Variants in NOTCH1 observed in about 807,000 individuals in gnomAD.
NOTCH1 encodes the protein notch receptor 1, also known as neurogenic locus notch homolog protein 1.
Under a neutral mutation model 254.8 loss-of-function variants are expected in NOTCH1, and 37 were observed. The ratio of observed to expected loss-of-function variants is 0.15; its 90% CI spans 0.11 to 0.19. The LOEUF (loss-of-function observed/expected upper bound fraction) is 0.19. Among genes scored for constraint, NOTCH1 ranks in the 10% least tolerant of loss-of-function variants. The pLI is 1.00. For synonymous variants in NOTCH1, 1,731 were observed against 1,618.1 expected, an observed-to-expected ratio of 1.07 and a Z score of -1.68; for missense variants, 2,972 against 3,708.6, an observed-to-expected ratio of 0.80 and a Z score of 5.16.
In NOTCH1 at chr9:136,495,900, T is replaced by C; in HGVS notation, c.*171A>G. ...TAAATAAAAAGGCAGTGTTTCTGTG[T>C]AAAATAAAAGTACATAAATAAATAC... On this transcript the variant is annotated 3_prime_UTR_variant, in exon 34 of 34. Transcript: ENST00000651671. 1.4e-6 allele frequency: 1 copy of C among 711,438 alleles called. No individual in the cohort carries two copies. The highest frequency in any genetic ancestry group is 2.2e-6 in the Non-Finnish European group (1 of 450,718). 44.1% of individuals were successfully genotyped at this position (711,438 alleles called of 1,614,324 possible).
At chr9:136,528,128 T>C (rs1277742393) in intron 2 of NOTCH1, among the ~76,000 whole-genome samples, 1 of 150,518 alleles carries the variant, frequency 6.6e-6, no homozygotes, top group Admixed American at 6.6e-5. Context: ...GAAGGAGGGG[T>C]GAGAGGGACT....
Position 136,496,148 on chromosome 9 carries a change from C to T in NOTCH1, c.7591G>A (p.Asp2531Asn), listed in dbSNP as rs749355748. Residue 2531 changes from aspartate to asparagine, a missense_variant, in exon 34 of 34, where the codon GAC becomes AAC. Asp to Asn is a conservative substitution (Grantham distance 23). This residue lies in a region of NOTCH1 where 85 missense variants were observed against 126.1 expected (regional missense o/e 0.67). Coordinates refer to ENST00000651671, the MANE Select transcript of NOTCH1 (RefSeq NM_017617.5). ...GGGCTGGAGACGCCCTCGGACCAGT[C>T]GGAGACGTTGGAATGCGGGGACGAG... ...SSSSPHSNVSDWSEGVSSPPT... is the reference protein window; with the variant it reads ...SSSSPHSNVSNWSEGVSSPPT... The T allele has an allele frequency of 1.2e-6, 2 of 1,609,822 alleles. No individual in the cohort carries two copies. The highest frequency in any genetic ancestry group is 1.7e-6 in the Non-Finnish European group (2 of 1,179,384).
intron 28 of NOTCH1, 22 bp downstream of exon 28, chr9:136,502,250 A>G (rs781023879): frequency 1.2e-6 from 2 of 1,607,826 alleles, no homozygotes; most frequent in Admixed American, 3.3e-5. Context: ...GGGACCCAGA[A>G]GCAGGGGCGG....
At chr9:136,541,297 C>A (rs568088501) in intron 2 of NOTCH1, among the ~76,000 whole-genome samples, 48 of 152,356 alleles carry the variant, frequency 3.2e-4, no homozygotes, top group African/African-American at 1.1e-3. Flanking sequence ...CTGCAACCAC[C>A]TGATTGGCAG....
chr9:136,507,479 C>T lies in NOTCH1; in HGVS notation c.3511-42G>A, dbSNP rs367884609. On this transcript the variant is annotated intron_variant, in intron 21 of 33. Transcript: ENST00000651671. ...ACGAGGGGCCCTTCGGCTCAGCCGG[C>T]GCCAGGATGCAGTGCTCCCACACCC... 28 of 1,568,082 alleles carry T rather than the reference C, an allele frequency of 1.8e-5. No individual in the cohort carries two copies. In the East Asian group the frequency reaches 1.9e-4, roughly 10 times the overall value.
rs771957771 is a variant in NOTCH1, at chr9:136,506,616, T to G, written c.3925A>C (p.Asn1309His). 5.0e-6 allele frequency: 8 copies of G among 1,610,826 alleles called. No homozygotes were observed. The South Asian group carries it at 8.8e-5, about 18-fold the overall frequency. The change falls in exon 24 of 34, where the codon AAT becomes CAT. Residue 1309 changes from asparagine to histidine, a missense_variant. Physicochemically the swap from Asn to His is moderately conservative, Grantham distance 68. Coordinates refer to ENST00000651671, the MANE Select transcript of NOTCH1 (RefSeq NM_017617.5). The surrounding 1 kb of genome is among the most constrained non-coding windows in gnomAD (Gnocchi z 4.5). Reference sequence around the variant, plus strand: ...TTGCAGGGCTTGCCTTTGCAGCCATTGATGACGGACTCGCAGCGGCGCCCT... The same window carrying G: ...TTGCAGGGCTTGCCTTTGCAGCCATGGATGACGGACTCGCAGCGGCGCCCT... ...HTGRRCESVI[N>H]GCKGKPCKNG...
chr9:136,534,551 C>T (rs114448867), intron 2 of NOTCH1, among the ~76,000 whole-genome samples: 1,537 of 152,272 alleles, frequency 0.01, 21 homozygotes, highest in African/African-American at 0.034. Context: ...GAACAGCGCC[C>T]ACCTGGTGCC....
Position 136,505,348 on chromosome 9 carries a change from G to C in NOTCH1, c.4548C>G (p.Phe1516Leu), listed in dbSNP as rs199740882. The C allele has an allele frequency of 2.5e-5, 40 of 1,603,772 alleles. No homozygotes were observed. Among genetic ancestry groups the C allele is most frequent in the Non-Finnish European group, 3.3e-5 (39 of 1,175,832 alleles). The change falls in exon 25 of 34, where the codon TTC becomes TTG. Residue 1516 changes from phenylalanine to leucine, a missense_variant. By Grantham distance (22) the Phe-to-Leu change is conservative. Coordinates refer to ENST00000651671, the MANE Select transcript of NOTCH1 (RefSeq NM_017617.5). Reference protein sequence around the residue: ...DSQCNSAGCLFDGFDCQRAEG... With the variant: ...DSQCNSAGCLLDGFDCQRAEG... Reference sequence around the variant, plus strand: ...CCGCACGCTGGCAGTCAAAGCCGTCGAAGAGGCAGCCGGCTGAGTTGCACT... The same window carrying C: ...CCGCACGCTGGCAGTCAAAGCCGTCCAAGAGGCAGCCGGCTGAGTTGCACT...
intron 13 of NOTCH1, 62 bp downstream of exon 13, chr9:136,514,448 C>T (rs2133360106): frequency 6.6e-7 from 1 of 1,515,472 alleles, no homozygotes; most frequent in South Asian, 1.2e-5. Context: ...TGCCACCCTC[C>T]TGGCAGCAGA....
chr9:136,523,388 G>A (rs567948681), intron 3 of NOTCH1, among the ~76,000 whole-genome samples, 200 bp from the exon 4 acceptor site: 2 of 152,356 alleles, frequency 1.3e-5, no homozygotes, highest in South Asian at 4.1e-4. Context: ...AGCCTGGGCC[G>A]TCTCTTCCCA....
chr9:136,517,727 C>A (rs749540400), intron 8 of NOTCH1, 25 bp downstream of exon 8: 2 of 1,612,348 alleles, frequency 1.2e-6, no homozygotes, highest in Admixed American at 3.3e-5. Context: ...GACTCGGTTT[C>A]CCGCCCTGGC....
At chr9:136,501,344 G>A (rs1249947855) in intron 30 of NOTCH1, among the ~76,000 whole-genome samples, 1 of 151,682 alleles carries the variant, frequency 6.6e-6, no homozygotes, top group Non-Finnish European at 1.5e-5. Context: ...TGAGGCAGGA[G>A]AATTGCTTGA....
Position 136,495,702 on chromosome 9 carries a change from G to T in NOTCH1, c.*369C>A, listed in dbSNP as rs1427883454. On this transcript the variant is annotated 3_prime_UTR_variant, in exon 34 of 34. Coordinates refer to ENST00000651671, the MANE Select transcript of NOTCH1 (RefSeq NM_017617.5). ...CCAACATCATTTCTTTTTGGATTTT[G>T]AAAAAAGGAATCAATAAATAAATGG... is the stretch of plus-strand genomic sequence containing the variant. 2.4e-6 allele frequency: 1 copy of T among 408,918 alleles called. No individual in the cohort carries two copies. The highest frequency in any genetic ancestry group is 3.5e-5 in the East Asian group (1 of 28,774). 25.3% of individuals were successfully genotyped at this position (408,918 alleles called of 1,614,324 possible).
intron 15 of NOTCH1, among the ~76,000 whole-genome samples, chr9:136,512,117 G>A (rs1479843513): frequency 6.6e-6 from 1 of 152,246 alleles, no homozygotes; most frequent in Non-Finnish European, 1.5e-5. Context: ...CAGATAGGAA[G>A]CGGGTCAGCA....
rs1843085545 is a variant in NOTCH1, at chr9:136,506,411, G to A, written c.4014+116C>T. 1 of 758,632 alleles carries A rather than the reference G, an allele frequency of 1.3e-6. No homozygotes were observed. The highest frequency in any genetic ancestry group is 1.8e-5 in the African/African-American group (1 of 57,096). 47.0% of individuals were successfully genotyped at this position (758,632 alleles called of 1,614,324 possible). On this transcript the variant is annotated intron_variant, in intron 24 of 33. Coordinates refer to ENST00000651671, the MANE Select transcript of NOTCH1 (RefSeq NM_017617.5). The surrounding 1 kb of genome is among the most constrained non-coding windows in gnomAD (Gnocchi z 4.5). ...AAAAAAAAAAAAGACATCAGGGTGAGGAGGAGGATGAAGGCCGGGAGGATC... is the reference window on the plus strand; with the variant it reads ...AAAAAAAAAAAAGACATCAGGGTGAAGAGGAGGATGAAGGCCGGGAGGATC...
chr9:136,531,903 C>G (rs1184691517), intron 2 of NOTCH1, among the ~76,000 whole-genome samples: 15 of 152,240 alleles, frequency 9.9e-5, no homozygotes, highest in Admixed American at 9.8e-4. Flanking sequence ...GCTCTCTGAC[C>G]ACACGAGGCA....
chr9:136,543,062 C>G (rs529508022), intron 2 of NOTCH1: 1 of 153,590 alleles, frequency 6.5e-6, no homozygotes, highest in South Asian at 1.9e-4. Flanking sequence ...GATGCCAGGA[C>G]AGAAACCAGA....
At chr9:136,520,949 C>T (rs879580511) in intron 4 of NOTCH1, among the ~76,000 whole-genome samples, 6 of 152,158 alleles carry the variant, frequency 3.9e-5, no homozygotes, top group Admixed American at 3.9e-4. Flanking sequence ...GACGTAGCCT[C>T]GGCCAGCGAC....
intron 4 of NOTCH1, among the ~76,000 whole-genome samples, chr9:136,520,505 G>A (rs1330908007): frequency 6.6e-6 from 1 of 152,190 alleles, no homozygotes; most frequent in African/African-American, 2.4e-5. Flanking sequence ...AGGCTGAAGT[G>A]GGTGGATCGC....
Sources: allele counts gnomAD v4.1 joint callset (sites outside exome capture counted in the v4.1 genomes callset), GRCh38; gene constraint gnomAD v4.1.1; regional missense constraint gnomAD v4.1.1; non-coding constraint Gnocchi (gnomAD v3.1); transcripts MANE v1.5; gene names NCBI Gene and HGNC (gene_info 2026-07-23, HGNC 2026-07-21).